The following TAOK3 variants were observed in gnomAD, a reference collection of about 807,000 sequenced individuals.
TAOK3 encodes serine/threonine-protein kinase TAO3.
TAOK3 carries 40 observed loss-of-function variants against 120.4 expected under a neutral mutation model. The ratio of observed to expected loss-of-function variants is 0.33; its 90% CI spans 0.26 to 0.43. TAOK3 has a LOEUF of 0.43. Among genes scored for constraint, TAOK3 ranks in the 20% least tolerant of loss-of-function variants. TAOK3 has a pLI of 1.00. For synonymous variants in TAOK3, 355 were observed against 387.5 expected, an observed-to-expected ratio of 0.92 and a Z score of 0.99; for missense variants, 821 against 1,112.1, an observed-to-expected ratio of 0.74 and a Z score of 3.72.
At chr12:118,263,640 T>C (rs2041323873) in intron 2 of TAOK3, among the ~76,000 whole-genome samples, 1 of 152,032 alleles carries the variant, frequency 6.6e-6, no homozygotes. Context: ...CAAAACTTAA[T>C]AATAAGAAAA....
intron 1 of TAOK3, among the ~76,000 whole-genome samples, chr12:118,290,377 C>T (rs1259630603): frequency 6.6e-6 from 1 of 152,152 alleles, no homozygotes; most frequent in Non-Finnish European, 1.5e-5. Flanking sequence ...TCCTAGCTAA[C>T]CAGAATCTGT....
intron 5 of TAOK3, among the ~76,000 whole-genome samples, chr12:118,242,838 C>A (rs1297932149): frequency 6.6e-6 from 1 of 151,588 alleles, no homozygotes; most frequent in African/African-American, 2.4e-5. Flanking sequence ...CCAGCCTGGG[C>A]AACAAGAGTG....
At chr12:118,336,700 A>T (rs1489898989) in intron 1 of TAOK3, among the ~76,000 whole-genome samples, 1 of 152,226 alleles carries the variant, frequency 6.6e-6, no homozygotes, top group African/African-American at 2.4e-5. Flanking sequence ...CACATATCTG[A>T]CAAAGGACTA....
intron 14 of TAOK3, among the ~76,000 whole-genome samples, chr12:118,189,180 G>A (rs545448813): frequency 1.3e-5 from 2 of 152,328 alleles, no homozygotes; most frequent in African/African-American, 4.8e-5. Context: ...ATGGGGAAGT[G>A]CAGCCACTAC....
At chr12:118,198,959 AG>A in intron 13 of TAOK3, 91 bp downstream of exon 13, 1 of 1,424,402 alleles carries the variant, frequency 7.0e-7, no homozygotes, top group Non-Finnish European at 9.9e-7. Context: ...AGTTGCAAAA[AG>A]GTAACTGAAA....
At chr12:118,340,638 C>T (rs1268441802) in intron 1 of TAOK3, among the ~76,000 whole-genome samples, 3 of 152,074 alleles carry the variant, frequency 2.0e-5, no homozygotes, top group Non-Finnish European at 4.4e-5. Flanking sequence ...ATATAATAAA[C>T]TGCCTCATAC....
At chr12:118,229,401 G>C (rs1179927455) in intron 9 of TAOK3, among the ~76,000 whole-genome samples, 2 of 151,966 alleles carry the variant, frequency 1.3e-5, no homozygotes, top group African/African-American at 4.8e-5. Flanking sequence ...CATCTGGCCA[G>C]CTTTTTCTTT....
intron 2 of TAOK3, among the ~76,000 whole-genome samples, chr12:118,258,980 G>A (rs1050711205): frequency 6.6e-6 from 1 of 151,850 alleles, no homozygotes; most frequent in African/African-American, 2.4e-5. Flanking sequence ...GATTTGGGGG[G>A]AAAACAAGGA....
chr12:118,230,207 T>G (rs1263108597), intron 9 of TAOK3, among the ~76,000 whole-genome samples: 2 of 152,092 alleles, frequency 1.3e-5, no homozygotes, highest in Admixed American at 1.3e-4. Flanking sequence ...CATTTCTCAG[T>G]ATTATTTACC....
At chr12:118,197,302 AT>A (rs984986841) in intron 13 of TAOK3, among the ~76,000 whole-genome samples, 14 of 152,136 alleles carry the variant, frequency 9.2e-5, no homozygotes, top group Admixed American at 2.0e-4. Flanking sequence ...TGACCTATAT[AT>A]TTTTTGTGGA....
At chr12:118,263,421 C>T (rs1030214012) in intron 2 of TAOK3, among the ~76,000 whole-genome samples, 3 of 151,982 alleles carry the variant, frequency 2.0e-5, no homozygotes, top group Admixed American at 6.6e-5. Context: ...TATTTGTGAC[C>T]CCAGGTTAGT....
intron 17 of TAOK3, among the ~76,000 whole-genome samples, chr12:118,163,341 G>A (rs891310376): frequency 4.0e-5 from 6 of 150,502 alleles, no homozygotes; most frequent in Admixed American, 1.3e-4. Context: ...AGACATTCCT[G>A]TATTTCTATA....
At position 118,185,430 on chromosome 12, in the gene TAOK3, T is replaced by C. The variant is rs1055937699; in HGVS notation, c.1330-3823A>G. On this transcript the variant is annotated intron_variant, in intron 14 of 20. Transcript: ENST00000392533. Reference sequence around the variant, plus strand: ...AAAACAAGAGCATGGTGGCTGATGATGTTACCCTCTTAAGAGATCAAAGCC... The same window carrying C: ...AAAACAAGAGCATGGTGGCTGATGACGTTACCCTCTTAAGAGATCAAAGCC... Among the ~76,000 whole-genome samples the C allele has an allele frequency of 2.0e-5, 3 of 152,144 alleles. No homozygotes were observed. In the South Asian group the frequency reaches 6.2e-4, roughly 32 times the overall value.
At chr12:118,285,494 A>C in intron 1 of TAOK3, among the ~76,000 whole-genome samples, 1 of 152,128 alleles carries the variant, frequency 6.6e-6, no homozygotes, top group Non-Finnish European at 1.5e-5. Context: ...CTGGGATTAC[A>C]GGCGCCTGCC....
Position 118,243,426 on chromosome 12 carries a change from GT to G in TAOK3, c.282del (p.Glu94AspfsTer7). ...GTCCTTCGACTTACCCAAGCAGTGT[GT>G]TCTTTCAAGTAACAGCCTTTGTACT... ...TIEYKGCYLK[E>X]HTAWLVMEYC... On this transcript the variant is annotated frameshift_variant, in exon 5 of 21. Transcript: ENST00000392533. LOFTEE classifies it high-confidence loss of function. 1 of 1,562,246 alleles carries G rather than the reference GT, an allele frequency of 6.4e-7. No individual in the cohort carries two copies. Among genetic ancestry groups the G allele is most frequent in the Non-Finnish European group, 8.7e-7 (1 of 1,154,686 alleles).
rs559518022 is a variant in TAOK3 at position 118,355,019 on chromosome 12, C to T, written c.-194+17629G>A. ...GGCTGAGGCTGTGGTGAGCTATGAT[C>T]GCACCACTGCACTCCAGACTAGGTG... On this transcript the variant is annotated intron_variant, in intron 1 of 20. Transcript: ENST00000392533. 5.9e-5 allele frequency among the ~76,000 whole-genome samples: 9 copies of T among 151,926 alleles called. No individual in the cohort carries two copies. In the South Asian group the frequency reaches 1.5e-3, roughly 25 times the overall value.
At chr12:118,368,580 T>G (rs1593722594) in intron 1 of TAOK3, among the ~76,000 whole-genome samples, 1 of 146,600 alleles carries the variant, frequency 6.8e-6, no homozygotes, top group African/African-American at 2.5e-5. Context: ...CTGAGGTGGG[T>G]GGATCATTTG....
chr12:118,366,315 T>C (rs1004414589), intron 1 of TAOK3, among the ~76,000 whole-genome samples: 1 of 152,178 alleles, frequency 6.6e-6, no homozygotes, highest in African/African-American at 2.4e-5. Flanking sequence ...CTATGAACTA[T>C]GATTCTGTTT....
intron 19 of TAOK3, chr12:118,152,628 C>CTTTTTTAA: frequency 4.0e-6 from 2 of 500,748 alleles, no homozygotes; most frequent in Non-Finnish European, 3.6e-6. Context: ...TCAGTATGAT[C>CTTTTTTAA]TGAAACCACA....
Sources: gnomAD v4.1 joint callset for allele counts (sites outside exome capture counted in the v4.1 genomes callset) on GRCh38, gnomAD v4.1.1 for gene constraint, MANE v1.5 for transcripts, NCBI Gene and HGNC (gene_info 2026-07-23, HGNC 2026-07-21) for gene names.